The following MINDY4B variants were observed in gnomAD, a reference collection of about 807,000 sequenced individuals.
MINDY4B encodes the protein inactive ubiquitin carboxyl-terminal hydrolase MINDY-4B.
Under a neutral mutation model 16.7 loss-of-function variants are expected in MINDY4B, and 25 were observed. That is an observed-to-expected ratio of 1.49 (90% CI 1.09 to 2.09). MINDY4B has a LOEUF of 2.09. Ranked by LOEUF, MINDY4B falls within the 30% of genes most tolerant of loss-of-function variation. The probability of loss-of-function intolerance (pLI) is 0.00; values close to 1 mark genes in which losing one functional copy is unlikely to be tolerated. For missense variants in MINDY4B, 327 were observed against 168.4 expected, an observed-to-expected ratio of 1.94 and a Z score of -5.21; for synonymous variants, 132 against 61.9, an observed-to-expected ratio of 2.13 and a Z score of -5.32.
intron 5 of MINDY4B, among the ~76,000 whole-genome samples, chr3:150,891,335 C>T (rs1281951556): frequency 6.6e-6 from 1 of 152,190 alleles, no homozygotes; most frequent in Non-Finnish European, 1.5e-5. Context: ...CAGTGGGAGA[C>T]CTTTACTCTG....
At chr3:150,900,029 G>A (rs1387012117) in intron 3 of MINDY4B, among the ~76,000 whole-genome samples, 3 of 152,212 alleles carry the variant, frequency 2.0e-5, no homozygotes, top group Non-Finnish European at 2.9e-5. Flanking sequence ...AAAAGGGCCT[G>A]GGAGTGGGAG....
chr3:150,872,807 T>C (rs1356089329), intron 11 of MINDY4B, among the ~76,000 whole-genome samples: 4 of 152,216 alleles, frequency 2.6e-5, no homozygotes, highest in African/African-American at 7.2e-5. Flanking sequence ...GGTTGTGAGA[T>C]AGCATCAGCC....
At chr3:150,877,102 C>G (rs1270183384) in intron 10 of MINDY4B, among the ~76,000 whole-genome samples, 1 of 151,886 alleles carries the variant, frequency 6.6e-6, no homozygotes, top group African/African-American at 2.4e-5. Context: ...CTGAAAGGCA[C>G]ATGTTTTTGC....
At chr3:150,871,217 C>T (rs1422830422) in intron 11 of MINDY4B, 30 bp from the exon 12 acceptor site, 1 of 699,236 alleles carries the variant, frequency 1.4e-6, no homozygotes, top group Non-Finnish European at 2.6e-6. Context: ...CATTTAGACC[C>T]AAGCCTATGA....
chr3:150,884,607 T>C (rs1711577847), intron 8 of MINDY4B, among the ~76,000 whole-genome samples: 1 of 150,096 alleles, frequency 6.7e-6, no homozygotes, highest in Non-Finnish European at 1.5e-5. Flanking sequence ...ATTGATTTTA[T>C]TTTTAATGTT....
chr3:150,889,171 A>G (rs1226010737), intron 7 of MINDY4B, among the ~76,000 whole-genome samples: 1 of 152,260 alleles, frequency 6.6e-6, no homozygotes, highest in African/African-American at 2.4e-5. Context: ...ATGATCTTAC[A>G]GTTCTAGAAG....
intron 11 of MINDY4B, 101 bp downstream of exon 11, chr3:150,873,086 C>T (rs1640056566): frequency 3.4e-6 from 2 of 593,754 alleles, no homozygotes; most frequent in Admixed American, 5.7e-5. Flanking sequence ...AAGCATTTTC[C>T]TGTGGAGCTA....
chr3:150,873,002 A>C (rs957846363), intron 11 of MINDY4B, among the ~76,000 whole-genome samples, 185 bp downstream of exon 11: 1 of 152,208 alleles, frequency 6.6e-6, no homozygotes, highest in African/African-American at 2.4e-5. Context: ...AGCAGATTTC[A>C]AATTCCCACA....
intron 4 of MINDY4B, among the ~76,000 whole-genome samples, chr3:150,893,708 TGGGG>T (rs1711883930): frequency 7.0e-5 from 1 of 14,310 alleles, no homozygotes; most frequent in Non-Finnish European, 2.3e-4. Context: ...GGGGGGGGGG[TGGGG>T]TGCAGTCTTG....
chr3:150,891,433 T>G (rs1454900458), intron 5 of MINDY4B, among the ~76,000 whole-genome samples: 2 of 152,296 alleles, frequency 1.3e-5, no homozygotes, highest in African/African-American at 4.8e-5. Context: ...AGCAATGATT[T>G]ATACAATCCG....
At chr3:150,896,247 T>G (rs7623160) in intron 3 of MINDY4B, among the ~76,000 whole-genome samples, 2 of 151,914 alleles carry the variant, frequency 1.3e-5, no homozygotes. Flanking sequence ...TATGTTATCT[T>G]TTTCCTTGAA....
chr3:150,875,483 A>G (rs1310291428), intron 10 of MINDY4B, among the ~76,000 whole-genome samples: 1 of 152,222 alleles, frequency 6.6e-6, no homozygotes, highest in Non-Finnish European at 1.5e-5. Flanking sequence ...GAATATACAC[A>G]TATATGATAT....
At chr3:150,890,721 C>T (rs1422624677) in intron 6 of MINDY4B, 1 of 513,256 alleles carries the variant, frequency 1.9e-6, no homozygotes, top group Non-Finnish European at 3.5e-6. Flanking sequence ...GGGAGATATT[C>T]TTGGTCCTGG....
intron 3 of MINDY4B, among the ~76,000 whole-genome samples, chr3:150,896,281 T>C (rs1433568953): frequency 4.1e-5 from 6 of 146,412 alleles, no homozygotes; most frequent in African/African-American, 1.4e-4. Context: ...ACTTCTTATA[T>C]CCTTTTTTGG....
At chr3:150,896,122 C>T (rs1377984498) in intron 3 of MINDY4B, among the ~76,000 whole-genome samples, 14 of 152,186 alleles carry the variant, frequency 9.2e-5, no homozygotes, top group East Asian at 3.9e-4. Context: ...ACCTTGTCTT[C>T]GAGCTCCAAA....
At chr3:150,885,506 G>A (rs1033172146) in intron 7 of MINDY4B, 68 bp from the exon 8 acceptor site, 1 of 689,984 alleles carries the variant, frequency 1.4e-6, no homozygotes, top group Non-Finnish European at 2.6e-6. Flanking sequence ...CTGTGGGTAT[G>A]AATTCAAGGA....
Position 150,893,351 on chromosome 3 carries a change from C to T in MINDY4B, c.494G>A (p.Arg165Lys), listed in dbSNP as rs1392354763. 1.4e-6 allele frequency: 1 copy of T among 702,768 alleles called. No individual in the cohort carries two copies. The highest frequency in any genetic ancestry group is 2.6e-6 in the Non-Finnish European group (1 of 384,826). 43.5% of individuals were successfully genotyped at this position (702,768 alleles called of 1,614,324 possible). Residue 165 changes from arginine to lysine, a missense_variant, in exon 5 of 12, where the codon AGG becomes AAG. Coordinates refer to ENST00000465419, the MANE Select transcript of MINDY4B (RefSeq NM_001351281.2). Reference sequence around the variant, plus strand: ...GCCAAGGTTACAGTCTTTTCCTTTCCTGGTAAACAACAAGTATTTGATGAT... The same window carrying T: ...GCCAAGGTTACAGTCTTTTCCTTTCTTGGTAAACAACAAGTATTTGATGAT... ...GSIIKYLLFT[R>K]KGKDCNLGNL...
At chr3:150,886,546 G>A (rs565065067) in intron 7 of MINDY4B, among the ~76,000 whole-genome samples, 10 of 152,284 alleles carry the variant, frequency 6.6e-5, no homozygotes, top group Admixed American at 4.6e-4. Context: ...AAAACAACAC[G>A]AATTTATTAT....
chr3:150,894,957 AAGT>A (rs1018934252), intron 3 of MINDY4B, among the ~76,000 whole-genome samples: 1 of 152,218 alleles, frequency 6.6e-6, no homozygotes, highest in Non-Finnish European at 1.5e-5. Context: ...GATAAGTAAA[AAGT>A]ACTATGAGAA....
Sources: allele counts gnomAD v4.1 joint callset (sites outside exome capture counted in the v4.1 genomes callset), GRCh38; gene constraint gnomAD v4.1.1; transcripts MANE v1.5; gene names NCBI Gene and HGNC (gene_info 2026-07-23, HGNC 2026-07-21).